JPH4: variants seen among roughly 807,000 people sequenced by gnomAD.
JPH4 encodes junctophilin-4.
In JPH4, 18 loss-of-function variants were observed where a neutral mutation model predicts 57.6. That is an observed-to-expected ratio of 0.31 (90% CI 0.22 to 0.46). JPH4 has a LOEUF of 0.46. Ranked by LOEUF, JPH4 falls within the 20% of genes least tolerant of loss-of-function variation. The pLI is 1.00. For synonymous variants in JPH4, 425 were observed against 406.6 expected, an observed-to-expected ratio of 1.05 and a Z score of -0.54; for missense variants, 727 against 911.1, an observed-to-expected ratio of 0.80 and a Z score of 2.60.
chr14:23,578,780 G>A lies in JPH4; in HGVS notation c.-772C>T, dbSNP rs112247548. The A allele has an allele frequency of 2.0e-5, 3 of 151,808 alleles. No individual in the cohort carries two copies. The South Asian group carries it at 6.3e-4, about 32-fold the overall frequency. The allele number at this position is 151,808 out of a possible 1,614,324, so 9.4% of individuals were successfully genotyped here. A position where few individuals can be genotyped will look rare whatever the true frequency, so the allele number is the denominator to read the frequency against. ...GGGAGGAGGCAGGCAGAGAGGAGAA[G>A]GAGATGCACTGAGACCCCCAGGGAG... On this transcript the variant is annotated 5_prime_UTR_variant, in exon 1 of 6. Transcript: ENST00000356300.
At position 23,576,789 on chromosome 14, in the gene JPH4, G is replaced by C. The variant is rs1889284397; in HGVS notation, c.379+286C>G. 6.6e-6 allele frequency among the ~76,000 whole-genome samples: 1 copy of C among 152,156 alleles called. No homozygotes were observed. The highest frequency in any genetic ancestry group is 2.1e-4 in the South Asian group (1 of 4,824). On this transcript the variant is annotated intron_variant, in intron 2 of 5. Transcript: ENST00000356300. The surrounding 1 kb of genome is among the most constrained non-coding windows in gnomAD (Gnocchi z 8.0). Reference sequence around the variant, plus strand: ...CAAACAGTACTCTGAGGGGCACGCCGACCCGACGGAGAGCAGAGGTGTTGG... The same window carrying C: ...CAAACAGTACTCTGAGGGGCACGCCCACCCGACGGAGAGCAGAGGTGTTGG...
At position 23,568,215 on chromosome 14, in the gene JPH4, CA is replaced by C. The variant is rs1888865286; in HGVS notation, c.*1418del. On this transcript the variant is annotated 3_prime_UTR_variant, in exon 6 of 6. Coordinates refer to ENST00000356300, the MANE Select transcript of JPH4 (RefSeq NM_001146028.2). ...GGAGGGAGGCAAGCCAAGGAATAAA[CA>C]AGAGTTTGACTAGAAAAAAAGAAGA... The C allele has an allele frequency of 5.1e-6, 5 of 985,726 alleles. No individual in the cohort carries two copies. In the South Asian group the frequency reaches 2.3e-4, roughly 46 times the overall value. 61.1% of individuals were successfully genotyped at this position (985,726 alleles called of 1,614,324 possible).
chr14:23,568,184 G>A lies in JPH4; in HGVS notation c.*1450C>T, dbSNP rs1371775470. 3.0e-6 allele frequency: 3 copies of A among 985,788 alleles called. No homozygotes were observed. Among genetic ancestry groups the A allele is most frequent in the East Asian group, 1.1e-4 (1 of 8,834 alleles). 61.1% of individuals were successfully genotyped at this position (985,788 alleles called of 1,614,324 possible). ...AAATCAGAAGTAAAGGTTGAGAGGG[G>A]AGGAAGGAGGGAGGCAAGCCAAGGA... On this transcript the variant is annotated 3_prime_UTR_variant, in exon 6 of 6. Transcript: ENST00000356300.
At position 23,575,915 on chromosome 14, in the gene JPH4, G is replaced by T; in HGVS notation, c.921C>A (p.Gly307=). The change falls in exon 3 of 6, where the codon GGC becomes GGA. Residue 307 remains glycine, a synonymous_variant. Transcript: ENST00000356300. This position sits in a 1 kb window ranked among gnomAD's most constrained non-coding sequence, Gnocchi z 6.9. ...SQRSNGLRYE[G]EWLGNRRHGY... ...CGTGCCGCCGGTTGCCCAGCCACTC[G>T]CCCTCGTAGCGCAGCCCGTTGGAGC... 2 of 1,568,764 alleles carry T rather than the reference G, an allele frequency of 1.3e-6. No homozygotes were observed. The highest frequency in any genetic ancestry group is 1.7e-6 in the Non-Finnish European group (2 of 1,163,204).
intron 3 of JPH4, among the ~76,000 whole-genome samples, chr14:23,574,621 C>T (rs1052076613): frequency 2.0e-5 from 3 of 152,222 alleles, no homozygotes; most frequent in Non-Finnish European, 2.9e-5. Context: ...CTGCTCACCT[C>T]GCTGCGCAGG....
Position 23,571,517 on chromosome 14 carries a change from T to C in JPH4, c.1271-57A>G. ...CTAACTGGCCTTGGGCTGGAGTGGCTGCAGCTTTATTCCTGACTGGGCACT... is the reference window on the plus strand; with the variant it reads ...CTAACTGGCCTTGGGCTGGAGTGGCCGCAGCTTTATTCCTGACTGGGCACT... On this transcript the variant is annotated intron_variant, in intron 4 of 5. Transcript: ENST00000356300. The surrounding 1 kb of genome is among the most constrained non-coding windows in gnomAD (Gnocchi z 4.6). 6.4e-7 allele frequency: 1 copy of C among 1,559,474 alleles called. No homozygotes were observed. The highest frequency in any genetic ancestry group is 8.6e-7 in the Non-Finnish European group (1 of 1,158,690).
At position 23,576,224 on chromosome 14, in the gene JPH4, G is replaced by A; in HGVS notation, c.612C>T (p.Asp204=). The part of the protein sequence containing the change: ...GFVLAGPGDA[D]GASSRKRTPA... ...GAGTGCGCTTTCGGGACGACGCGCC[G>A]TCGGCGTCCCCGGGCCCGGCCAGCA... Residue 204 remains aspartate, a synonymous_variant, in exon 3 of 6, where the codon GAC becomes GAT. Transcript: ENST00000356300. This position sits in a 1 kb window ranked among gnomAD's most constrained non-coding sequence, Gnocchi z 8.0. 7.9e-7 allele frequency: 1 copy of A among 1,273,218 alleles called. No individual in the cohort carries two copies. Among genetic ancestry groups the A allele is most frequent in the Non-Finnish European group, 9.9e-7 (1 of 1,011,288 alleles). The allele number at this position is 1,273,218 out of a possible 1,614,324, so 78.9% of individuals were successfully genotyped here.
rs143339999 is a variant in JPH4 at position 23,571,911 on chromosome 14, G to A, written c.1161C>T (p.Asp387=). ...TGGCTGCCACTGCCTTTAGGAGGGCGTCTGCTGCCCTGTCGGGTCCAGAGA... is the reference window on the plus strand; with the variant it reads ...TGGCTGCCACTGCCTTTAGGAGGGCATCTGCTGCCCTGTCGGGTCCAGAGA... ...RQEIAAARAA[D]ALLKAVAASS... The change falls in exon 4 of 6, where the codon GAC becomes GAT. Residue 387 remains aspartate, a synonymous_variant. Transcript: ENST00000356300. This position sits in a 1 kb window ranked among gnomAD's most constrained non-coding sequence, Gnocchi z 4.6. The A allele has an allele frequency of 8.7e-5, 140 of 1,611,668 alleles. No homozygotes were observed. Among genetic ancestry groups the A allele is most frequent in the Non-Finnish European group, 1.1e-4 (126 of 1,179,844 alleles).
chr14:23,575,676 G>C lies in JPH4; in HGVS notation c.1151+9C>G, dbSNP rs751332310. The C allele has an allele frequency of 6.3e-7, 1 of 1,595,104 alleles. No homozygotes were observed. Among genetic ancestry groups the C allele is most frequent in the South Asian group, 1.1e-5 (1 of 88,012 alleles). On this transcript the variant is annotated intron_variant, in intron 3 of 5. Transcript: ENST00000356300. This position sits in a 1 kb window ranked among gnomAD's most constrained non-coding sequence, Gnocchi z 6.9. ...TAGCCCAGCTTTGGCCTCTGAACTG[G>C]ACGCCCACCTGGCAGCGGCGATCTC...
At position 23,571,216 on chromosome 14, in the gene JPH4, C is replaced by T. The variant is rs150308819; in HGVS notation, c.1515G>A (p.Gln505=). ...CCTCATAGCCAGCTAGTTCCTCTGC[C>T]TGTGCGCCTGCCCCCCCCCACTCCT... ...WPEEWGGAGA[Q]AEELAGYEAE... Residue 505 remains glutamine (Q), a synonymous_variant, in exon 5 of 6, where the codon CAG becomes CAA. Transcript: ENST00000356300. This position sits in a 1 kb window ranked among gnomAD's most constrained non-coding sequence, Gnocchi z 4.6. 477 of 1,613,474 alleles carry T rather than the reference C, an allele frequency of 3.0e-4. 1 individual carries two copies. Among genetic ancestry groups the T allele is most frequent in the East Asian group, 6.2e-4 (28 of 44,870 alleles).
Position 23,576,041 on chromosome 14 carries a change from G to C in JPH4, c.795C>G (p.Pro265=). 7.6e-7 allele frequency: 1 copy of C among 1,323,990 alleles called. No homozygotes were observed. The highest frequency in any genetic ancestry group is 9.6e-7 in the Non-Finnish European group (1 of 1,042,758). 82.0% of individuals were successfully genotyped at this position (1,323,990 alleles called of 1,614,324 possible). The change falls in exon 3 of 6, where the codon CCC becomes CCG. Residue 265 remains proline, a synonymous_variant. Coordinates refer to ENST00000356300, the MANE Select transcript of JPH4 (RefSeq NM_001146028.2). The surrounding 1 kb of genome is among the most constrained non-coding windows in gnomAD (Gnocchi z 8.0). Reference sequence around the variant, plus strand: ...TGAGGGCGGGCGGCGCTGCGGCCGGGGGCCCGCTGGCCTCCGAGCCGGGCG... The same window carrying C: ...TGAGGGCGGGCGGCGCTGCGGCCGGCGGCCCGCTGGCCTCCGAGCCGGGCG... The part of the protein sequence containing the change: ...TGPPGSEASG[P]PAAAPPALIE...
At position 23,575,816 on chromosome 14, in the gene JPH4, G is replaced by T; in HGVS notation, c.1020C>A (p.Gly340=). 1 of 1,583,060 alleles carries T rather than the reference G, an allele frequency of 6.3e-7. No individual in the cohort carries two copies. The change falls in exon 3 of 6, where the codon GGC becomes GGA. Residue 340 remains glycine (G), a synonymous_variant. Transcript: ENST00000356300. This position sits in a 1 kb window ranked among gnomAD's most constrained non-coding sequence, Gnocchi z 6.9. ...GKYKRNRLVH[G]GRVRSLLPLA... ...GAGGCAGGAGACTGCGGACGCGCCC[G>T]CCGTGCACCAGCCGGTTGCGCTTGT...
chr14:23,578,278 C>G lies in JPH4; in HGVS notation c.-270G>C, dbSNP rs1489360840. On this transcript the variant is annotated 5_prime_UTR_variant, in exon 1 of 6. Coordinates refer to ENST00000356300, the MANE Select transcript of JPH4 (RefSeq NM_001146028.2). ...GGACAAGCCAAGCCCCCTCCCCTTC[C>G]GGAGAGACTGCTCCAACCCAGAGAG... The G allele has an allele frequency of 6.6e-6, 1 of 151,016 alleles. No homozygotes were observed. The highest frequency in any genetic ancestry group is 1.5e-5 in the Non-Finnish European group (1 of 67,916). 9.4% of individuals were successfully genotyped at this position (151,016 alleles called of 1,614,324 possible).
In JPH4 at chr14:23,576,430, C is replaced by T; in HGVS notation, c.406G>A (p.Gly136Arg). 1 of 1,443,362 alleles carries T rather than the reference C, an allele frequency of 6.9e-7. No homozygotes were observed. Among genetic ancestry groups the T allele is most frequent in the Middle Eastern group, 2.2e-4 (1 of 4,596 alleles). The allele number at this position is 1,443,362 out of a possible 1,614,324, so 89.4% of individuals were successfully genotyped here. A position where few individuals can be genotyped will look rare whatever the true frequency, so the allele number is the denominator to read the frequency against. ...CGTACCCCGTAGCCGTGGCGCTTCC[C>T]GGCCTGCCACTGGCCCTGGTAGGTG... ...GGTYQGQWQA[G>R]KRHGYGVRQS... The change falls in exon 3 of 6, where the codon GGG becomes AGG. Residue 136 changes from glycine (G) to arginine (R), a missense_variant. Around this residue, in one of 7 missense-constraint regions of JPH4, gnomAD observed 90 missense variants for 88.1 expected, o/e 1.02. Transcript: ENST00000356300. This position sits in a 1 kb window ranked among gnomAD's most constrained non-coding sequence, Gnocchi z 8.0.
chr14:23,572,125 G>A (rs1889166787), intron 3 of JPH4, among the ~76,000 whole-genome samples: 1 of 152,014 alleles, frequency 6.6e-6, no homozygotes, highest in South Asian at 2.1e-4. Flanking sequence ...CCCCTGACCT[G>A]GGCTGTGTTT....
rs780922451 is a variant in JPH4 at position 23,571,103 on chromosome 14, C to T, written c.1628G>A (p.Arg543Gln). Residue 543 changes from arginine (R) to glutamine (Q), a missense_variant, in exon 5 of 6, where the codon CGA (arginine) becomes CAA (glutamine). Arg to Gln is a conservative substitution (Grantham distance 43). Transcript: ENST00000356300. The surrounding 1 kb of genome is among the most constrained non-coding windows in gnomAD (Gnocchi z 4.6). ...CTCTTCATCCTCCCCCTCCTCCTCT[C>T]GAAGACTTCCTGAACTGTCGCTGCA... ...GGCSDSSGSL[R>Q]EEEGEDEEPL... The T allele has an allele frequency of 1.1e-5, 18 of 1,613,918 alleles. No homozygotes were observed. The highest frequency in any genetic ancestry group is 6.7e-5 in the East Asian group (3 of 44,890).
chr14:23,571,052 G>T lies in JPH4; in HGVS notation c.1679C>A (p.Ala560Glu). ...GGCGATGGGCTCAGGCTCCGTGCCT[G>T]CTGGGGCCCTCAGCGGGGGCAGGGG... ...EEPLPPLRAP[A>E]GTEPEPIAML... Residue 560 changes from alanine (A) to glutamate (E), a missense_variant, in exon 5 of 6, where the codon GCA (alanine) becomes GAA (glutamate). Transcript: ENST00000356300. This position sits in a 1 kb window ranked among gnomAD's most constrained non-coding sequence, Gnocchi z 4.6. 6.2e-7 allele frequency: 1 copy of T among 1,609,198 alleles called. No individual in the cohort carries two copies. The highest frequency in any genetic ancestry group is 8.5e-7 in the Non-Finnish European group (1 of 1,177,456).
rs1048714795 is a variant in JPH4, at chr14:23,575,400, A to G, written c.1151+285T>C. 2 of 543,836 alleles carry G rather than the reference A, an allele frequency of 3.7e-6. No individual in the cohort carries two copies. Among genetic ancestry groups the G allele is most frequent in the Admixed American group, 3.2e-5 (1 of 31,542 alleles). 33.7% of individuals were successfully genotyped at this position (543,836 alleles called of 1,614,324 possible). On this transcript the variant is annotated intron_variant, in intron 3 of 5. Transcript: ENST00000356300. The surrounding 1 kb of genome is among the most constrained non-coding windows in gnomAD (Gnocchi z 6.9). The stretch of plus-strand genomic sequence containing the variant: ...TTCCTTGCTACTCCCACACACAACA[A>G]TGGATTCCATAGACATGCATCTCCA...
Position 23,576,236 on chromosome 14 carries a change from G to C in JPH4, c.600C>G (p.Pro200=). 8 of 1,270,852 alleles carry C rather than the reference G, an allele frequency of 6.3e-6. No homozygotes were observed. The highest frequency in any genetic ancestry group is 7.9e-6 in the Non-Finnish European group (8 of 1,010,282). The allele number at this position is 1,270,852 out of a possible 1,614,324, so 78.7% of individuals were successfully genotyped here. A position where few individuals can be genotyped will look rare whatever the true frequency, so the allele number is the denominator to read the frequency against. The change falls in exon 3 of 6, where the codon CCC becomes CCG. Residue 200 remains proline, a synonymous_variant. Transcript: ENST00000356300. The surrounding 1 kb of genome is among the most constrained non-coding windows in gnomAD (Gnocchi z 8.0). Reference sequence around the variant, plus strand: ...GGGACGACGCGCCGTCGGCGTCCCCGGGCCCGGCCAGCACGAAGCCGCCCC... The same window carrying C: ...GGGACGACGCGCCGTCGGCGTCCCCCGGCCCGGCCAGCACGAAGCCGCCCC... ...GSRGGFVLAG[P]GDADGASSRK...
Sources: gnomAD v4.1 joint callset for allele counts (sites outside exome capture counted in the v4.1 genomes callset) on GRCh38, gnomAD v4.1.1 for gene constraint, gnomAD v4.1.1 regional missense constraint, Gnocchi (gnomAD v3.1) non-coding constraint, MANE v1.5 for transcripts, NCBI Gene and HGNC (gene_info 2026-07-23, HGNC 2026-07-21) for gene names.